The following TMCC1 variants were observed in gnomAD, a reference collection of about 807,000 sequenced individuals.
TMCC1 encodes the protein transmembrane and coiled-coil domain family 1.
TMCC1 carries 15 observed loss-of-function variants against 52.4 expected under a neutral mutation model. That is an observed-to-expected ratio of 0.29 (90% CI 0.19 to 0.44). TMCC1 has a LOEUF of 0.44. Among genes scored for constraint, TMCC1 ranks in the 20% least tolerant of loss-of-function variants. TMCC1 has a pLI of 1.00. For synonymous variants in TMCC1, 279 were observed against 301.9 expected, an observed-to-expected ratio of 0.92 and a Z score of 0.79; for missense variants, 503 against 806.0, an observed-to-expected ratio of 0.62 and a Z score of 4.55.
chr3:129,857,900 C>A (rs1414586514), intron 2 of TMCC1, among the ~76,000 whole-genome samples: 1 of 152,164 alleles, frequency 6.6e-6, no homozygotes, highest in Non-Finnish European at 1.5e-5. Flanking sequence ...CTCAATTGAT[C>A]CTCACAATAA....
At chr3:129,816,833 G>A (rs1358099642) in intron 4 of TMCC1, among the ~76,000 whole-genome samples, 3 of 151,838 alleles carry the variant, frequency 2.0e-5, no homozygotes, top group Non-Finnish European at 4.4e-5. Flanking sequence ...AGATCAGCCT[G>A]GTCAACATAT....
chr3:129,785,304 C>G (rs1275528498), intron 4 of TMCC1, among the ~76,000 whole-genome samples: 1 of 152,026 alleles, frequency 6.6e-6, no homozygotes, highest in African/African-American at 2.4e-5. Flanking sequence ...ACTCATGACC[C>G]CCAATTACCA....
intron 2 of TMCC1, among the ~76,000 whole-genome samples, chr3:129,857,810 G>A (rs2060210902): frequency 6.6e-6 from 1 of 151,978 alleles, no homozygotes; most frequent in African/African-American, 2.4e-5. Context: ...TGAGCCGCCC[G>A]CCTCAGCCTC....
At chr3:129,655,406 G>A (rs2086609132) in intron 5 of TMCC1, among the ~76,000 whole-genome samples, 1 of 152,168 alleles carries the variant, frequency 6.6e-6, no homozygotes, top group Non-Finnish European at 1.5e-5. Flanking sequence ...ACAGTCATTA[G>A]GCTCCTCTGA....
intron 4 of TMCC1, among the ~76,000 whole-genome samples, chr3:129,769,534 A>G (rs1331209350): frequency 8.5e-6 from 1 of 117,684 alleles, no homozygotes; most frequent in Non-Finnish European, 1.7e-5. Context: ...CCAGCCCATT[A>G]TGAGATTTTT....
chr3:129,828,768 C>T lies in TMCC1; in HGVS notation c.-130-260G>A, dbSNP rs1297052422. Reference sequence around the variant, plus strand: ...CAATGTTCAAAAGCAAAAATCCCTACAAGATTCAATATATACAGAATTAGA... The same window carrying T: ...CAATGTTCAAAAGCAAAAATCCCTATAAGATTCAATATATACAGAATTAGA... On this transcript the variant is annotated intron_variant, in intron 3 of 6. Transcript: ENST00000393238. This position sits in a 1 kb window ranked among gnomAD's most constrained non-coding sequence, Gnocchi z 4.1. Among the ~76,000 whole-genome samples the T allele has an allele frequency of 6.6e-6, 1 of 152,150 alleles. No homozygotes were observed. Among genetic ancestry groups the T allele is most frequent in the Non-Finnish European group, 1.5e-5 (1 of 68,024 alleles).
At chr3:129,665,745 T>A (rs1229045787) in intron 5 of TMCC1, among the ~76,000 whole-genome samples, 1 of 152,160 alleles carries the variant, frequency 6.6e-6, no homozygotes, top group African/African-American at 2.4e-5. Context: ...CAGACAAAAC[T>A]GGGTTTTGAA....
intron 2 of TMCC1, among the ~76,000 whole-genome samples, chr3:129,873,026 G>A (rs368585033): frequency 6.6e-5 from 10 of 150,610 alleles, no homozygotes; most frequent in South Asian, 6.3e-4. Context: ...CAAGCCTCCC[G>A]AGCAGCTGGG....
intron 4 of TMCC1, among the ~76,000 whole-genome samples, chr3:129,768,304 C>T (rs72985353): frequency 6.6e-6 from 1 of 152,106 alleles, no homozygotes; most frequent in Non-Finnish European, 1.5e-5. Flanking sequence ...TGTTTCATTA[C>T]AAAATAAAAT....
chr3:129,819,994 C>T (rs997670485), intron 4 of TMCC1: 3 of 151,162 alleles, frequency 2.0e-5, no homozygotes, highest in African/African-American at 4.9e-5. Context: ...AGGAAGGCTA[C>T]GGATTCATTT....
intron 1 of TMCC1, among the ~76,000 whole-genome samples, chr3:129,891,087 G>A (rs1464056947): frequency 1.3e-5 from 2 of 152,214 alleles, no homozygotes; most frequent in Non-Finnish European, 2.9e-5. Context: ...GCAGACCTTT[G>A]CACTCACTGT....
At chr3:129,684,040 G>A (rs1246088234) in intron 4 of TMCC1, among the ~76,000 whole-genome samples, 4 of 152,158 alleles carry the variant, frequency 2.6e-5, no homozygotes, top group African/African-American at 2.4e-5. Flanking sequence ...TGTCTCTAAC[G>A]TCTTAAGAAT....
intron 2 of TMCC1, among the ~76,000 whole-genome samples, chr3:129,869,472 C>T (rs784747): frequency 6.6e-6 from 1 of 152,148 alleles, no homozygotes; most frequent in Non-Finnish European, 1.5e-5. Context: ...CCAAGCCAGA[C>T]AGAAGTGTGG....
chr3:129,729,401 A>G (rs1297079114), intron 4 of TMCC1, among the ~76,000 whole-genome samples: 4 of 152,352 alleles, frequency 2.6e-5, no homozygotes, highest in Middle Eastern at 3.4e-3. Flanking sequence ...ACATTAAAGA[A>G]TCTTTTGTAA....
intron 4 of TMCC1, among the ~76,000 whole-genome samples, chr3:129,693,029 A>G (rs968423568): frequency 2.7e-4 from 41 of 152,094 alleles, no homozygotes; most frequent in African/African-American, 9.6e-4. Context: ...TTTTTTGTGG[A>G]GATGGGGTTT....
intron 5 of TMCC1, among the ~76,000 whole-genome samples, chr3:129,657,618 G>T (rs2086749676): frequency 6.6e-6 from 1 of 152,228 alleles, no homozygotes; most frequent in Non-Finnish European, 1.5e-5. Flanking sequence ...GAGTCAGAGT[G>T]CTAGCGATCC....
intron 5 of TMCC1, among the ~76,000 whole-genome samples, chr3:129,655,791 G>T (rs1339439969): frequency 6.6e-6 from 1 of 152,208 alleles, no homozygotes; most frequent in Non-Finnish European, 1.5e-5. Flanking sequence ...AAACAAAGAA[G>T]ATCAGTAGAG....
chr3:129,660,472 T>A (rs895723256), intron 5 of TMCC1, among the ~76,000 whole-genome samples: 1 of 152,220 alleles, frequency 6.6e-6, no homozygotes, highest in Non-Finnish European at 1.5e-5. Context: ...CATTTCTTTA[T>A]GTCCACTTTC....
At chr3:129,845,606 C>T (rs1041222261) in intron 2 of TMCC1, among the ~76,000 whole-genome samples, 2 of 151,794 alleles carry the variant, frequency 1.3e-5, no homozygotes, top group African/African-American at 4.8e-5. Flanking sequence ...TAACCATTGG[C>T]GAGAAGGAAA....
Sources: allele counts gnomAD v4.1 joint callset (sites outside exome capture counted in the v4.1 genomes callset), GRCh38; gene constraint gnomAD v4.1.1; non-coding constraint Gnocchi (gnomAD v3.1); transcripts MANE v1.5; gene names NCBI Gene and HGNC (gene_info 2026-07-23, HGNC 2026-07-21).